MGAT4C: variants seen among roughly 807,000 people sequenced by gnomAD.
MGAT4C encodes alpha-1,3-mannosyl-glycoprotein 4-beta-N-acetylglucosaminyltransferase C.
In MGAT4C, 19 loss-of-function variants were observed where a neutral mutation model predicts 40.1. That is an observed-to-expected ratio of 0.47 (90% CI 0.33 to 0.70). The LOEUF (loss-of-function observed/expected upper bound fraction) is 0.70. MGAT4C is among the 30% of genes least tolerant of loss of function. MGAT4C has a pLI of 0.02. For synonymous variants in MGAT4C, 181 were observed against 187.1 expected, an observed-to-expected ratio of 0.97 and a Z score of 0.27; for missense variants, 491 against 563.2, an observed-to-expected ratio of 0.87 and a Z score of 1.30.
chr12:86,668,641 G>A (rs1964174129), intron 2 of MGAT4C, among the ~76,000 whole-genome samples: 1 of 152,224 alleles, frequency 6.6e-6, no homozygotes, highest in African/African-American at 2.4e-5. Flanking sequence ...TCAAGCCAGA[G>A]ATTAGAGTGC....
At chr12:86,809,377 A>C (rs1393975193) in intron 1 of MGAT4C, among the ~76,000 whole-genome samples, 2 of 151,952 alleles carry the variant, frequency 1.3e-5, no homozygotes, top group Non-Finnish European at 1.5e-5. Context: ...TTTTTGTTCA[A>C]GTTTTTTTGA....
At chr12:86,387,412 A>T (rs1956073733) in intron 3 of MGAT4C, among the ~76,000 whole-genome samples, 1 of 152,096 alleles carries the variant, frequency 6.6e-6, no homozygotes, top group Admixed American at 6.5e-5. Flanking sequence ...TATCAGTGTT[A>T]TTATTATCAA....
chr12:86,287,453 C>A (rs1953382264), intron 4 of MGAT4C, among the ~76,000 whole-genome samples: 1 of 151,736 alleles, frequency 6.6e-6, no homozygotes, highest in Non-Finnish European at 1.5e-5. Context: ...TTTGCTGCAC[C>A]CATCAACCTA....
intron 2 of MGAT4C, among the ~76,000 whole-genome samples, chr12:86,500,134 G>A (rs1422821871): frequency 6.6e-6 from 1 of 151,816 alleles, no homozygotes; most frequent in African/African-American, 2.4e-5. Context: ...ATGTATGTAT[G>A]TGTATATATA....
chr12:86,574,758 T>C (rs530693623), intron 2 of MGAT4C, among the ~76,000 whole-genome samples: 1 of 151,914 alleles, frequency 6.6e-6, no homozygotes, highest in Non-Finnish European at 1.5e-5. Flanking sequence ...GGCAAGTATA[T>C]TTATGAATTA....
intron 2 of MGAT4C, among the ~76,000 whole-genome samples, chr12:86,607,214 T>C (rs989341449): frequency 1.1e-4 from 16 of 152,038 alleles, no homozygotes; most frequent in African/African-American, 3.4e-4. Flanking sequence ...CCACTCATAA[T>C]GTATATATTG....
intron 2 of MGAT4C, among the ~76,000 whole-genome samples, chr12:86,485,522 G>A (rs1394965143): frequency 6.6e-6 from 1 of 151,970 alleles, no homozygotes; most frequent in Non-Finnish European, 1.5e-5. Context: ...AACTCACTCA[G>A]AAATTAATAA....
At chr12:86,428,120 C>T (rs1036616721) in intron 3 of MGAT4C, among the ~76,000 whole-genome samples, 9 of 152,058 alleles carry the variant, frequency 5.9e-5, no homozygotes, top group Non-Finnish European at 8.8e-5. Flanking sequence ...TATCAGGTTA[C>T]AGGAATAAAC....
chr12:86,797,945 C>T (rs1286646583), intron 1 of MGAT4C, among the ~76,000 whole-genome samples: 1 of 151,742 alleles, frequency 6.6e-6, no homozygotes, highest in Non-Finnish European at 1.5e-5. Flanking sequence ...AGTTGATTTC[C>T]TAATCTTTAT....
chr12:86,587,632 G>A (rs1961114486), intron 2 of MGAT4C, among the ~76,000 whole-genome samples: 1 of 151,932 alleles, frequency 6.6e-6, no homozygotes, highest in African/African-American at 2.4e-5. Context: ...CTTGAGCAGT[G>A]GTTTGTAGTT....
rs1336948064 is a variant in MGAT4C, at chr12:85,963,915, ACTT to A, written c.*15371_*15373del. Reference sequence around the variant, plus strand: ...TACACAAAAGAGTAAGCAACAGGATACTTCAAGAGTAAAATGGGAAAAAATCAT... The same window carrying A: ...TACACAAAAGAGTAAGCAACAGGATACAAGAGTAAAATGGGAAAAAATCAT... On this transcript the variant is annotated 3_prime_UTR_variant, in exon 5 of 5. Transcript: ENST00000611864. 6.6e-6 allele frequency: 1 copy of A among 152,070 alleles called. No homozygotes were observed. The highest frequency in any genetic ancestry group is 1.5e-5 in the Non-Finnish European group (1 of 67,934). 9.4% of individuals were successfully genotyped at this position (152,070 alleles called of 1,614,324 possible). A position where few individuals can be genotyped will look rare whatever the true frequency, so the allele number is the denominator to read the frequency against.
rs1884237580 is a variant in MGAT4C at position 85,979,117 on chromosome 12, CAA to C, written c.*170_*171del. 1 of 500,010 alleles carries C rather than the reference CAA, an allele frequency of 2.0e-6. No individual in the cohort carries two copies. The highest frequency in any genetic ancestry group is 3.5e-6 in the Non-Finnish European group (1 of 286,164). The allele number at this position is 500,010 out of a possible 1,614,324, so 31.0% of individuals were successfully genotyped here. A position where few individuals can be genotyped will look rare whatever the true frequency, so the allele number is the denominator to read the frequency against. On this transcript the variant is annotated 3_prime_UTR_variant, in exon 5 of 5. Coordinates refer to ENST00000611864, the MANE Select transcript of MGAT4C (RefSeq NM_001351288.2). The stretch of plus-strand genomic sequence containing the variant: ...TCAACTTCAGACGTTAAAATAAATA[CAA>C]GTGTGTATTAAGAGTAAAATTATGT...
intron 1 of MGAT4C, among the ~76,000 whole-genome samples, chr12:86,106,552 G>A (rs1383312476): frequency 2.0e-5 from 3 of 152,090 alleles, no homozygotes; most frequent in Non-Finnish European, 2.9e-5. Flanking sequence ...CAATCCTCTC[G>A]TCTCAGCCTC....
At chr12:86,653,462 T>C (rs1000412015) in intron 2 of MGAT4C, among the ~76,000 whole-genome samples, 7 of 151,964 alleles carry the variant, frequency 4.6e-5, no homozygotes, top group African/African-American at 1.7e-4. Flanking sequence ...GCATGCCATC[T>C]GCTCATATTG....
intron 3 of MGAT4C, among the ~76,000 whole-genome samples, chr12:86,417,783 G>A (rs1446133377): frequency 2.0e-5 from 3 of 151,860 alleles, no homozygotes; most frequent in East Asian, 3.9e-4. Context: ...AATATTAATG[G>A]TGATAATGAT....
Position 86,497,735 on chromosome 12 carries a change from G to A in MGAT4C, c.-228-62470C>T, listed in dbSNP as rs187898451. Among the ~76,000 whole-genome samples, 267 of 151,170 alleles carry A rather than the reference G, an allele frequency of 1.8e-3. 2 individuals carry two copies. Among genetic ancestry groups the A allele is most frequent in the African/African-American group, 6.1e-3 (253 of 41,338 alleles). On this transcript the variant is annotated intron_variant, in intron 2 of 7. Coordinates refer to the MGAT4C transcript ENST00000548651. ...CTTTAACAAATTACCTTTTCATGAA[G>A]TTTGACTGTATTGTGCCCCATTATT...
At chr12:86,287,395 G>A (rs947613102) in intron 4 of MGAT4C, among the ~76,000 whole-genome samples, 1 of 144,526 alleles carries the variant, frequency 6.9e-6, no homozygotes, top group Non-Finnish European at 1.5e-5. Context: ...CTGGGATTAT[G>A]TGCAGAATGT....
intron 1 of MGAT4C, among the ~76,000 whole-genome samples, chr12:86,196,504 T>C (rs1949811002): frequency 6.6e-6 from 1 of 152,184 alleles, no homozygotes; most frequent in South Asian, 2.1e-4. Context: ...CTTTGCCTTG[T>C]TGGGTATGTG....
chr12:86,649,329 G>A lies in MGAT4C; in HGVS notation c.-229+77880C>T, dbSNP rs1272298511. On this transcript the variant is annotated intron_variant, in intron 2 of 7. Coordinates refer to the MGAT4C transcript ENST00000548651. The stretch of plus-strand genomic sequence containing the variant: ...TTCAGTAGGCTATAAGCTCCTTGAT[G>A]AGTGAGGCAAAATATTGTTGAGCTT... 2.0e-5 allele frequency among the ~76,000 whole-genome samples: 3 copies of A among 151,718 alleles called. No individual in the cohort carries two copies. The East Asian group carries it at 5.8e-4, about 29-fold the overall frequency.
Sources: gnomAD v4.1 joint callset for allele counts (sites outside exome capture counted in the v4.1 genomes callset) on GRCh38, gnomAD v4.1.1 for gene constraint, MANE v1.5 for transcripts, NCBI Gene and HGNC (gene_info 2026-07-23, HGNC 2026-07-21) for gene names.